Variants in GABRQ observed in about 807,000 individuals in gnomAD.
GABRQ encodes gamma-aminobutyric acid receptor subunit theta.
A neutral mutation model predicts 30.5 loss-of-function variants in GABRQ; 19 were observed. The ratio of observed to expected loss-of-function variants is 0.62; its 90% confidence interval spans 0.43 to 0.91. The LOEUF (loss-of-function observed/expected upper bound fraction) is 0.91. Ranked by LOEUF, GABRQ falls within the 40% of genes least tolerant of loss-of-function variation. The pLI, the probability that GABRQ is intolerant of heterozygous loss-of-function variation, is 0.00. For missense variants in GABRQ, 520 were observed against 521.4 expected (o/e 1.00, Z 0.03); for synonymous variants, 187 against 210.2 (o/e 0.89, Z 0.95).
At chrX:152,638,931 A>G (rs1930680617) in intron 1 of GABRQ, among the ~76,000 whole-genome samples, 1 of 111,741 alleles carries the variant, frequency 8.9e-6, no homozygotes, top group South Asian at 3.8e-4. Flanking sequence ...AATAAACACG[A>G]ACCGTGTGGT....
chrX:152,638,249 T>C lies in GABRQ; in HGVS notation c.47T>C (p.Ile16Thr), dbSNP rs781983556. 1 of 1,210,268 alleles carries C rather than the reference T, an allele frequency of 8.3e-7. No homozygotes were observed. The highest frequency in any genetic ancestry group is 1.8e-5 in the South Asian group (1 of 56,989). ...MLRAAVILLL[I>T]RTWLAEGNYP... The stretch of plus-strand genomic sequence containing the variant: ...CGAGCCGCAGTGATCCTGCTGCTCA[T>C]CAGGACCTGGCTCGCGGAGGGCAAC... Residue 16 changes from isoleucine (I) to threonine (T), a missense_variant, in exon 1 of 9, where the codon ATC becomes ACC. Physicochemically the swap from Ile to Thr is moderately conservative, Grantham distance 89. Transcript: ENST00000598523.
chrX:152,645,317 C>T (rs782071353), intron 2 of GABRQ, among the ~76,000 whole-genome samples: 4 of 111,780 alleles, frequency 3.6e-5, no homozygotes, highest in Non-Finnish European at 7.5e-5. Flanking sequence ...ACATCGTGGG[C>T]GAGGCCTTGC....
chrX:152,645,672 T>C, intron 3 of GABRQ, 78 bp downstream of exon 3: 2 of 629,366 alleles, frequency 3.2e-6, no homozygotes, highest in Admixed American at 2.3e-5. Context: ...CCAAGTCCAG[T>C]TGTTCTGACC....
Position 152,653,063 on chromosome X carries a change from AATG to A in GABRQ, c.1689_1691del (p.Asp563del), listed in dbSNP as rs1931073075. ...TGATACTAACAGTACCTGGGGCCTT[AATG>A]ATGATGAGCTCATGGCCCATGGCCA... On this transcript the variant is annotated inframe_deletion, in exon 9 of 9. Coordinates refer to ENST00000598523, the MANE Select transcript of GABRQ (RefSeq NM_018558.4). 3.3e-6 allele frequency: 4 copies of A among 1,209,203 alleles called. No homozygotes were observed. The highest frequency in any genetic ancestry group is 3.5e-5 in the South Asian group (2 of 56,907).
Position 152,651,538 on chromosome X carries a change from T to C in GABRQ, c.914T>C (p.Met305Thr). ...GTGTTGCTTACAGGCTTAACTTCAA[T>C]GCTCATCCTGACCACCATCGACTCA... The part of the protein sequence containing the change: ...AARVTIGLTS[M>T]LILTTIDSHL... The change falls in exon 8 of 9, where the codon ATG becomes ACG. Residue 305 changes from methionine to threonine, a missense_variant. Physicochemically the swap from Met to Thr is moderately conservative, Grantham distance 81. Coordinates refer to ENST00000598523, the MANE Select transcript of GABRQ (RefSeq NM_018558.4). The C allele has an allele frequency of 8.3e-7, 1 of 1,208,628 alleles. No homozygotes were observed.
intron 7 of GABRQ, 67 bp from the exon 8 acceptor site, chrX:152,651,459 G>A (rs1556820161): frequency 2.1e-5 from 21 of 983,068 alleles, no homozygotes; most frequent in South Asian, 1.5e-4. Flanking sequence ...GTTTGGGTGG[G>A]GGCCTGACAG....
intron 4 of GABRQ, among the ~76,000 whole-genome samples, chrX:152,647,676 G>A (rs1556819444): frequency 9.0e-6 from 1 of 111,683 alleles, no homozygotes; most frequent in East Asian, 2.8e-4. Flanking sequence ...GCCTCCAGGA[G>A]TGCGGAGGGG....
chrX:152,647,664 G>A (rs1270549489), intron 4 of GABRQ, among the ~76,000 whole-genome samples: 1 of 111,799 alleles, frequency 8.9e-6, no homozygotes, highest in Non-Finnish European at 1.9e-5. Context: ...GCATCATGCA[G>A]GGCCTCCAGG....
chrX:152,651,124 C>A (rs892168704), intron 7 of GABRQ, among the ~76,000 whole-genome samples: 8 of 112,164 alleles, frequency 7.1e-5, no homozygotes, highest in Non-Finnish European at 1.3e-4. Context: ...TCTGGTTTCT[C>A]CTTCACCATC....
intron 2 of GABRQ, among the ~76,000 whole-genome samples, chrX:152,643,540 G>C (rs1449132608): frequency 8.9e-6 from 1 of 112,236 alleles, no homozygotes; most frequent in Non-Finnish European, 1.9e-5. Context: ...TTTGAGATGA[G>C]GAGCGAACGA....
downstream of GABRQ, among the ~76,000 whole-genome samples, chrX:152,658,800 C>T (rs1697867431): frequency 1.8e-5 from 2 of 111,920 alleles, no homozygotes; most frequent in African/African-American, 6.5e-5. Context: ...ACATTTTTCA[C>T]CTAATCAAAA....
chrX:152,644,568 C>T (rs1191658835), intron 2 of GABRQ, among the ~76,000 whole-genome samples: 1 of 112,363 alleles, frequency 8.9e-6, no homozygotes, highest in African/African-American at 3.2e-5. Flanking sequence ...TACACAAACA[C>T]GCTCATGTAC....
At chrX:152,658,631 G>A (rs1410366991), downstream of GABRQ, among the ~76,000 whole-genome samples, 1 of 112,088 alleles carries the variant, frequency 8.9e-6, no homozygotes, top group African/African-American at 3.2e-5. Context: ...AGCAGCCCCA[G>A]GGGAAGCATG....
intron 2 of GABRQ, among the ~76,000 whole-genome samples, chrX:152,642,916 C>T (rs1298353469): frequency 8.9e-6 from 1 of 112,739 alleles, no homozygotes; most frequent in Non-Finnish European, 1.9e-5. Flanking sequence ...TTCCTCTGAG[C>T]TGCATCCCTG....
At chrX:152,639,461 A>T (rs969257931) in intron 1 of GABRQ, among the ~76,000 whole-genome samples, 14 of 111,785 alleles carry the variant, frequency 1.3e-4, no homozygotes, top group Non-Finnish European at 1.9e-4. Flanking sequence ...AGATTTGAAG[A>T]GTCACAGTGA....
At chrX:152,647,445 C>T (rs1221466103) in intron 4 of GABRQ, among the ~76,000 whole-genome samples, 1 of 111,691 alleles carries the variant, frequency 9.0e-6, no homozygotes, top group Admixed American at 9.4e-5. Flanking sequence ...AAACCTTGCC[C>T]ACCCTGAAAT....
chrX:152,649,782 C>T lies in GABRQ; in HGVS notation c.651C>T (p.Asp217=). Residue 217 remains aspartate, a synonymous_variant, in exon 6 of 9, where the codon GAC becomes GAT. Transcript: ENST00000598523. ...AAGACATCATATTATTCTGGGATGA[C>T]AATGGGAACGCCATCCACATGACTG... ...TVEDIILFWD[D]NGNAIHMTEE... 1 of 1,182,165 alleles carries T rather than the reference C, an allele frequency of 8.5e-7. No individual in the cohort carries two copies.
At chrX:152,645,318 G>A (rs1422039171) in intron 2 of GABRQ, among the ~76,000 whole-genome samples, 4 of 111,722 alleles carry the variant, frequency 3.6e-5, no homozygotes, top group Admixed American at 9.5e-5. Context: ...CATCGTGGGC[G>A]AGGCCTTGCT....
chrX:152,641,183 C>T (rs782406649), intron 2 of GABRQ, among the ~76,000 whole-genome samples: 7 of 111,928 alleles, frequency 6.3e-5, no homozygotes, highest in South Asian at 7.5e-4. Flanking sequence ...TAATTAGCCT[C>T]CCATTTAAAA....
Sources: allele counts gnomAD v4.1 joint callset (sites outside exome capture counted in the v4.1 genomes callset), GRCh38; gene constraint gnomAD v4.1.1; transcripts MANE v1.5; gene names NCBI Gene and HGNC (gene_info 2026-07-23, HGNC 2026-07-21).